EPB41: variants seen among roughly 807,000 people sequenced by gnomAD.
The protein encoded by EPB41 is protein 4.1.
A neutral mutation model predicts 108.0 loss-of-function variants in EPB41; 65 were observed. The observed-to-expected ratio is 0.60, with a 90% CI of 0.49 to 0.74. EPB41 has a LOEUF of 0.74. Ranked by LOEUF, EPB41 falls within the 30% of genes least tolerant of loss-of-function variation. The pLI, the probability that EPB41 is intolerant of heterozygous loss-of-function variation, is 0.00. For missense variants in EPB41, 875 were observed against 1,037.0 expected, an observed-to-expected ratio of 0.84 and a Z score of 2.15; for synonymous variants, 336 against 358.9, an observed-to-expected ratio of 0.94 and a Z score of 0.72.
At chr1:28,969,875 T>C (rs1213733326) in intron 1 of EPB41, among the ~76,000 whole-genome samples, 1 of 152,152 alleles carries the variant, frequency 6.6e-6, no homozygotes. Flanking sequence ...TACTCCAGCC[T>C]GGGCGACAGA....
chr1:29,071,723 C>G (rs1347969031), intron 16 of EPB41: 1 of 151,994 alleles, frequency 6.6e-6, no homozygotes, highest in Non-Finnish European at 1.5e-5. Context: ...ACTCACATGC[C>G]TAACCTGTTA....
intron 16 of EPB41, among the ~76,000 whole-genome samples, chr1:29,092,759 G>A (rs1169978165): frequency 1.3e-5 from 2 of 151,940 alleles, no homozygotes; most frequent in African/African-American, 2.4e-5. Context: ...GTATCCATGT[G>A]TTCTCATCAG....
intron 16 of EPB41, among the ~76,000 whole-genome samples, chr1:29,094,907 GTATTTA>G (rs1459074940): frequency 6.6e-6 from 1 of 151,984 alleles, no homozygotes; most frequent in Non-Finnish European, 1.5e-5. Context: ...AAATGACATG[GTATTTA>G]CATATAACCT....
intron 15 of EPB41, among the ~76,000 whole-genome samples, chr1:29,062,294 T>G (rs1646699241): frequency 6.6e-6 from 1 of 152,236 alleles, no homozygotes; most frequent in Non-Finnish European, 1.5e-5. Flanking sequence ...TCTTCAGTGC[T>G]TCCTCTTAAC....
At chr1:28,979,754 C>T (rs896756989) in intron 1 of EPB41, among the ~76,000 whole-genome samples, 4 of 151,768 alleles carry the variant, frequency 2.6e-5, no homozygotes, top group African/African-American at 9.7e-5. Flanking sequence ...TTCATGCCCC[C>T]ATTGAATCTG....
At position 28,887,560 on chromosome 1, in the gene EPB41, C is replaced by A. The variant is rs1363887659; in HGVS notation, c.-8+350C>A. On this transcript the variant is annotated intron_variant, in intron 1 of 16. Coordinates refer to the EPB41 transcript ENST00000347529. The surrounding 1 kb of genome is among the most constrained non-coding windows in gnomAD (Gnocchi z 4.9). ...GGAGAGTCCCTGCAGGTCGGCGCAG[C>A]CCCCGGCCGCCCCCTAGCCCCGCCT... 8.1e-6 allele frequency: 8 copies of A among 985,010 alleles called. No homozygotes were observed. The highest frequency in any genetic ancestry group is 8.4e-6 in the Non-Finnish European group (7 of 829,750). 61.0% of individuals were successfully genotyped at this position (985,010 alleles called of 1,614,324 possible).
At chr1:28,892,550 C>T (rs559909448) in intron 1 of EPB41, among the ~76,000 whole-genome samples, 14 of 151,956 alleles carry the variant, frequency 9.2e-5, no homozygotes, top group African/African-American at 3.4e-4. Context: ...GATGAAACCC[C>T]ATCTCTACTA....
At chr1:29,023,011 T>G (rs2096665848) in intron 7 of EPB41, among the ~76,000 whole-genome samples, 1 of 152,038 alleles carries the variant, frequency 6.6e-6, no homozygotes, top group African/African-American at 2.4e-5. Context: ...TATTTTATTT[T>G]GAAATGGAGT....
At chr1:28,997,476 G>A (rs149108546) in intron 4 of EPB41, among the ~76,000 whole-genome samples, 157 bp downstream of exon 4, 149 of 152,096 alleles carry the variant, frequency 9.8e-4, no homozygotes, top group African/African-American at 3.4e-3. Context: ...TTTTCTTCTA[G>A]AATTAACATT....
chr1:29,023,046 G>A (rs1006756491), intron 7 of EPB41, among the ~76,000 whole-genome samples: 3 of 151,942 alleles, frequency 2.0e-5, no homozygotes, highest in African/African-American at 7.3e-5. Context: ...CCAGGCTGGA[G>A]TGCAATAGTG....
intron 4 of EPB41, among the ~76,000 whole-genome samples, chr1:29,002,074 G>GAATGAT (rs1352723231): frequency 1.3e-5 from 2 of 152,110 alleles, no homozygotes; most frequent in East Asian, 3.8e-4. Context: ...GGTAAAATGG[G>GAATGAT]AATGATAATG....
At chr1:28,924,871 A>G (rs944563116) in intron 1 of EPB41, among the ~76,000 whole-genome samples, 1 of 151,816 alleles carries the variant, frequency 6.6e-6, no homozygotes, top group Non-Finnish European at 1.5e-5. Context: ...GTCACAGCTC[A>G]CTGCAGCCTC....
chr1:28,975,616 T>C (rs1016566632), intron 1 of EPB41, among the ~76,000 whole-genome samples: 2 of 152,150 alleles, frequency 1.3e-5, no homozygotes, highest in Non-Finnish European at 2.9e-5. Flanking sequence ...CATTTCATAA[T>C]GTGTCTTTGC....
intron 1 of EPB41, chr1:28,982,329 C>G: frequency 1.6e-6 from 1 of 642,020 alleles, no homozygotes; most frequent in Non-Finnish European, 3.0e-6. Flanking sequence ...TCTTTTATCT[C>G]TTTTCAAACT....
rs182800367 is a variant in EPB41 at position 28,999,096 on chromosome 1, T to C, written c.786+1777T>C. Reference sequence around the variant, plus strand: ...AAAATTCTCCCATGAATTGGCGGGGTGTGGTGGCTCACGCCTGTAATCCCA... The same window carrying C: ...AAAATTCTCCCATGAATTGGCGGGGCGTGGTGGCTCACGCCTGTAATCCCA... On this transcript the variant is annotated intron_variant, in intron 4 of 20. Transcript: ENST00000343067. Among the ~76,000 whole-genome samples the C allele has an allele frequency of 3.8e-3, 572 of 151,744 alleles. 6 individuals are homozygous for C. Among genetic ancestry groups the C allele is most frequent in the African/African-American group, 0.013 (530 of 41,370 alleles).
At chr1:29,106,564 A>AATTTTTTTT (rs1233211329) in intron 17 of EPB41, among the ~76,000 whole-genome samples, 1 of 50,880 alleles carries the variant, frequency 2.0e-5, no homozygotes, top group African/African-American at 8.5e-5. Flanking sequence ...AGTAGCTGGG[A>AATTTTTTTT]TTTTTTTTTT....
At chr1:29,070,700 C>G in intron 16 of EPB41, 1 of 1,229,954 alleles carries the variant, frequency 8.1e-7, no homozygotes, top group Non-Finnish European at 1.0e-6. Flanking sequence ...GTATGATGCC[C>G]TCTGATCTTG....
intron 16 of EPB41, among the ~76,000 whole-genome samples, chr1:29,089,166 C>T (rs1660319188): frequency 6.6e-6 from 1 of 152,182 alleles, no homozygotes; most frequent in African/African-American, 2.4e-5. Context: ...GTGATTAGCA[C>T]AGCACCTGGC....
At chr1:28,927,706 G>C (rs1265831826) in intron 1 of EPB41, among the ~76,000 whole-genome samples, 1 of 151,406 alleles carries the variant, frequency 6.6e-6, no homozygotes, top group Non-Finnish European at 1.5e-5. Context: ...TGATTCTCTG[G>C]CTGAACAATT....
Sources: gnomAD v4.1 joint callset for allele counts (sites outside exome capture counted in the v4.1 genomes callset) on GRCh38, gnomAD v4.1.1 for gene constraint, Gnocchi (gnomAD v3.1) non-coding constraint, MANE v1.5 for transcripts, NCBI Gene and HGNC (gene_info 2026-07-23, HGNC 2026-07-21) for gene names.